Variants in PFAS observed in about 807,000 individuals in gnomAD.
PFAS encodes the protein phosphoribosylformylglycinamidine synthase, also known as FGAM synthase.
Under a neutral mutation model 140.6 loss-of-function variants are expected in PFAS, and 97 were observed. The ratio of observed to expected loss-of-function variants is 0.69; its 90% CI spans 0.59 to 0.82. The LOEUF is 0.82. Ranked by LOEUF, PFAS falls within the 40% of genes least tolerant of loss-of-function variation. The pLI, the probability that PFAS is intolerant of heterozygous loss-of-function variation, is 0.00. For synonymous variants in PFAS, 679 were observed against 718.8 expected (o/e 0.94, Z 0.88); for missense variants, 1,656 against 1,780.2 (o/e 0.93, Z 1.26).
At chr17:8,268,372 CAAAAAAA>C (rs372234499) in intron 26 of PFAS, among the ~76,000 whole-genome samples, 154 bp from the exon 27 acceptor site, 2 of 40,960 alleles carry the variant, frequency 4.9e-5, no homozygotes, top group African/African-American at 1.9e-4. Flanking sequence ...GATTCCATCT[CAAAAAAA>C]AAAAAAAAAG....
intron 11 of PFAS, among the ~76,000 whole-genome samples, chr17:8,259,144 G>A (rs1300570029): frequency 6.7e-6 from 1 of 149,946 alleles, no homozygotes; most frequent in Admixed American, 6.7e-5. Context: ...AAAAAAAGAC[G>A]TGGTAAATAT....
chr17:8,248,020 G>A (rs371541763), upstream of PFAS: 18 of 1,464,518 alleles, frequency 1.2e-5, no homozygotes, highest in African/African-American at 1.4e-4. Context: ...AGGGACCTGG[G>A]CCCGGCCAGC....
At position 8,256,408 on chromosome 17, in the gene PFAS, G is replaced by T. The variant is rs1481032709; in HGVS notation, c.821+1G>T. ...TCCTCAAATTCTGTGATAACAGCAG[G>T]TGCTGTGCCCTAGACTGGGTTGGCG... is the stretch of plus-strand genomic sequence containing the variant. On this transcript the variant is annotated splice_donor_variant, in intron 7 of 27. Coordinates refer to ENST00000314666, the MANE Select transcript of PFAS (RefSeq NM_012393.3). LOFTEE classifies it high-confidence loss of function. 6.2e-7 allele frequency: 1 copy of T among 1,613,954 alleles called. No homozygotes were observed. The highest frequency in any genetic ancestry group is 8.5e-7 in the Non-Finnish European group (1 of 1,180,028).
At chr17:8,260,215 T>G (rs1342008453) in intron 11 of PFAS, among the ~76,000 whole-genome samples, 1 of 152,202 alleles carries the variant, frequency 6.6e-6, no homozygotes, top group Non-Finnish European at 1.5e-5. Flanking sequence ...CAGTATACTT[T>G]TGTGTGACTG....
chr17:8,262,906 T>C lies in PFAS; in HGVS notation c.1337-14T>C. The stretch of plus-strand genomic sequence containing the variant: ...GCTTCCCCAGTGTTCTGATTCTGCC[T>C]TCCCTTCTTACAGGCATGGAAGTTG... On this transcript the variant is annotated splice_polypyrimidine_tract_variant and intron_variant, in intron 11 of 27. Transcript: ENST00000314666. 6.2e-7 allele frequency: 1 copy of C among 1,611,302 alleles called. No homozygotes were observed. Among genetic ancestry groups the C allele is most frequent in the East Asian group, 2.2e-5 (1 of 44,882 alleles).
chr17:8,262,610 ATGG>A (rs1179065033), intron 11 of PFAS: 1 of 294,160 alleles, frequency 3.4e-6, no homozygotes, highest in Non-Finnish European at 6.6e-6. Flanking sequence ...CCTGGCCAAG[ATGG>A]TGAAACCCTG....
Position 8,267,527 on chromosome 17 carries a change from C to T in PFAS, c.3268-24C>T, listed in dbSNP as rs1989868454. On this transcript the variant is annotated intron_variant, in intron 25 of 27. Coordinates refer to ENST00000314666, the MANE Select transcript of PFAS (RefSeq NM_012393.3). This position sits in a 1 kb window ranked among gnomAD's most constrained non-coding sequence, Gnocchi z 4.9. Reference sequence around the variant, plus strand: ...CCTCAGCTGCGTGTCCTCCCACCCACACTCCCCCTCCCCACCTTCGCAGGT... The same window carrying T: ...CCTCAGCTGCGTGTCCTCCCACCCATACTCCCCCTCCCCACCTTCGCAGGT... 3 of 1,587,696 alleles carry T rather than the reference C, an allele frequency of 1.9e-6. No individual in the cohort carries two copies. The highest frequency in any genetic ancestry group is 1.3e-5 in the African/African-American group (1 of 74,430).
At position 8,269,195 on chromosome 17, in the gene PFAS, TCTGACCACCTCCCC is replaced by T; in HGVS notation, c.3952_3965del (p.Thr1318AlafsTer40). On this transcript the variant is annotated frameshift_variant, in exon 28 of 28. Coordinates refer to ENST00000314666, the MANE Select transcript of PFAS (RefSeq NM_012393.3). LOFTEE classifies it high-confidence loss of function. ...CATGGCGACCCCCTCCATTTGATAC[TCTGACCACCTCCCC>T]CTGGCTCCAGCTCTTTATCAATGCC... is the stretch of plus-strand genomic sequence containing the variant. The T allele has an allele frequency of 6.2e-7, 1 of 1,613,586 alleles. No homozygotes were observed. Among genetic ancestry groups the T allele is most frequent in the Non-Finnish European group, 8.5e-7 (1 of 1,179,878 alleles).
chr17:8,261,704 G>A (rs547619051), intron 11 of PFAS, among the ~76,000 whole-genome samples: 3 of 151,722 alleles, frequency 2.0e-5, no homozygotes, highest in South Asian at 4.2e-4. Flanking sequence ...TCCATCTTCC[G>A]GGCTCAGGCA....
rs377172943 is a variant in PFAS at position 8,264,359 on chromosome 17, G to T, written c.1917+22G>T. On this transcript the variant is annotated intron_variant, in intron 16 of 27. Transcript: ENST00000314666. ...GAAGGTATGTGGGGTTGAGGGGATGGGTTTTTCCTGTGGTCCTCTCCACAC... is the reference window on the plus strand; with the variant it reads ...GAAGGTATGTGGGGTTGAGGGGATGTGTTTTTCCTGTGGTCCTCTCCACAC... The T allele has an allele frequency of 3.6e-5, 58 of 1,613,126 alleles. No homozygotes were observed. In the South Asian group the frequency reaches 5.9e-4, roughly 17 times the overall value.
chr17:8,255,753 G>C (rs1212606301), intron 5 of PFAS, 52 bp from the exon 6 acceptor site: 6 of 1,604,466 alleles, frequency 3.7e-6, no homozygotes, highest in Non-Finnish European at 5.1e-6. Context: ...CTGAGATCTG[G>C]AATGTGGCTG....
At position 8,267,945 on chromosome 17, in the gene PFAS, A is replaced by G. The variant is rs1274615933; in HGVS notation, c.3382+280A>G. Among the ~76,000 whole-genome samples the G allele has an allele frequency of 2.1e-5, 3 of 144,508 alleles. No homozygotes were observed. The highest frequency in any genetic ancestry group is 4.5e-5 in the Non-Finnish European group (3 of 66,072). The allele number at this position is 144,508 out of a possible 152,430, so 94.8% of individuals were successfully genotyped here. Reference sequence around the variant, plus strand: ...TATATTATTAAAATGTATATTATTTATATATTATTAAAATATATATTATTT... The same window carrying G: ...TATATTATTAAAATGTATATTATTTGTATATTATTAAAATATATATTATTT... On this transcript the variant is annotated intron_variant, in intron 26 of 27. Coordinates refer to ENST00000314666, the MANE Select transcript of PFAS (RefSeq NM_012393.3). The surrounding 1 kb of genome is among the most constrained non-coding windows in gnomAD (Gnocchi z 4.9).
rs952575278 is a variant in PFAS, at chr17:8,266,171, A to T, written c.2702-63A>T. ...ACACTCTTGATGGACTGACTCCGGAAGGTGGGGTGGGGCTGTCAGGTTTGG... is the reference window on the plus strand; with the variant it reads ...ACACTCTTGATGGACTGACTCCGGATGGTGGGGTGGGGCTGTCAGGTTTGG... On this transcript the variant is annotated intron_variant, in intron 21 of 27. Coordinates refer to ENST00000314666, the MANE Select transcript of PFAS (RefSeq NM_012393.3). The surrounding 1 kb of genome is among the most constrained non-coding windows in gnomAD (Gnocchi z 5.0). 4 of 1,602,386 alleles carry T rather than the reference A, an allele frequency of 2.5e-6. No individual in the cohort carries two copies. The African/African-American group carries it at 5.4e-5, about 21-fold the overall frequency.
At chr17:8,257,966 A>G (rs1041994684) in intron 10 of PFAS, 28 bp downstream of exon 10, 5 of 1,613,200 alleles carry the variant, frequency 3.1e-6, no homozygotes, top group Non-Finnish European at 4.2e-6. Context: ...AGGGATGACA[A>G]ACACCCAGAG....
intron 18 of PFAS, 24 bp downstream of exon 18, chr17:8,265,149 C>A: frequency 1.3e-6 from 2 of 1,594,666 alleles, no homozygotes; most frequent in South Asian, 2.2e-5. Context: ...CAGCTTCTAT[C>A]CTGGAGCCCC....
intron 11 of PFAS, chr17:8,262,621 C>T: frequency 3.2e-6 from 1 of 314,834 alleles, no homozygotes; most frequent in Admixed American, 4.4e-5. Context: ...TGGTGAAACC[C>T]TGTCTCTACT....
Position 8,265,849 on chromosome 17 carries a change from C to G in PFAS, c.2546-13C>G. The stretch of plus-strand genomic sequence containing the variant: ...AGCTGTTCCCCTCCCCTCACCCCTC[C>G]CCGTCTCCCCAGGCCATCTGCTCTA... On this transcript the variant is annotated splice_polypyrimidine_tract_variant and intron_variant, in intron 20 of 27. Coordinates refer to ENST00000314666, the MANE Select transcript of PFAS (RefSeq NM_012393.3). 6.3e-7 allele frequency: 1 copy of G among 1,588,254 alleles called. No homozygotes were observed.
intron 9 of PFAS, among the ~76,000 whole-genome samples, chr17:8,257,249 A>G (rs1314497417): frequency 6.6e-6 from 1 of 152,152 alleles, no homozygotes; most frequent in Non-Finnish European, 1.5e-5. Context: ...TGCCCCTCAA[A>G]TCTGGTTTCT....
chr17:8,264,352 G>A lies in PFAS; in HGVS notation c.1917+15G>A, dbSNP rs770873744. The A allele has an allele frequency of 5.0e-6, 8 of 1,613,350 alleles. No homozygotes were observed. The African/African-American group carries it at 1.1e-4, about 22-fold the overall frequency. Reference sequence around the variant, plus strand: ...TGCCTCGGAAGGTATGTGGGGTTGAGGGGATGGGTTTTTCCTGTGGTCCTC... The same window carrying A: ...TGCCTCGGAAGGTATGTGGGGTTGAAGGGATGGGTTTTTCCTGTGGTCCTC... On this transcript the variant is annotated intron_variant, in intron 16 of 27. Coordinates refer to ENST00000314666, the MANE Select transcript of PFAS (RefSeq NM_012393.3).
Sources: gnomAD v4.1 joint callset for allele counts (sites outside exome capture counted in the v4.1 genomes callset) on GRCh38, gnomAD v4.1.1 for gene constraint, Gnocchi (gnomAD v3.1) non-coding constraint, MANE v1.5 for transcripts, NCBI Gene and HGNC (gene_info 2026-07-23, HGNC 2026-07-21) for gene names.